SLC12A2: variants seen among roughly 807,000 people sequenced by gnomAD.
SLC12A2 encodes solute carrier family 12 member 2.
Under a neutral mutation model 136.3 loss-of-function variants are expected in SLC12A2, and 67 were observed. The observed-to-expected ratio is 0.49, with a 90% CI of 0.40 to 0.60. The LOEUF (loss-of-function observed/expected upper bound fraction) is 0.60, where lower values mean the gene tolerates loss of function less well. SLC12A2 is among the 20% of genes least tolerant of loss of function. SLC12A2 has a pLI of 0.00. For synonymous variants in SLC12A2, 619 were observed against 562.9 expected, an observed-to-expected ratio of 1.10 and a Z score of -1.41; for missense variants, 1,322 against 1,534.7, an observed-to-expected ratio of 0.86 and a Z score of 2.32.
At chr5:128,091,497 A>G (rs1439780294) in intron 1 of SLC12A2, among the ~76,000 whole-genome samples, 1 of 152,208 alleles carries the variant, frequency 6.6e-6, no homozygotes, top group Non-Finnish European at 1.5e-5. Flanking sequence ...GTAGGGAACT[A>G]GTGGGTTGAT....
chr5:128,123,409 A>C (rs1305780855), intron 4 of SLC12A2, among the ~76,000 whole-genome samples: 1 of 152,176 alleles, frequency 6.6e-6, no homozygotes, highest in Non-Finnish European at 1.5e-5. Flanking sequence ...ATACACCAAG[A>C]AAACTTTATT....
At chr5:128,186,333 T>G (rs1763867596) in intron 26 of SLC12A2, among the ~76,000 whole-genome samples, 163 bp from the exon 27 acceptor site, 1 of 152,234 alleles carries the variant, frequency 6.6e-6, no homozygotes, top group Non-Finnish European at 1.5e-5. Flanking sequence ...CAACTGTGGT[T>G]GTTATTCTAT....
intron 1 of SLC12A2, chr5:128,110,392 A>C (rs1581069255): frequency 9.8e-7 from 1 of 1,018,796 alleles, no homozygotes; most frequent in African/African-American, 1.6e-5. Flanking sequence ...GAAAGCAAAA[A>C]CTCCACAGCT....
chr5:128,131,698 C>T (rs1335908283), intron 5 of SLC12A2, among the ~76,000 whole-genome samples: 2 of 150,410 alleles, frequency 1.3e-5, no homozygotes, highest in African/African-American at 2.4e-5. Context: ...AGCAAGACTC[C>T]GTCTCGGAAA....
At chr5:128,181,477 A>G (rs111602642) in intron 23 of SLC12A2, among the ~76,000 whole-genome samples, 2 of 152,212 alleles carry the variant, frequency 1.3e-5, no homozygotes, top group South Asian at 4.1e-4. Flanking sequence ...TGTAACATGT[A>G]TATTGTACAG....
At chr5:128,097,688 C>G (rs1357480819) in intron 1 of SLC12A2, among the ~76,000 whole-genome samples, 2 of 152,068 alleles carry the variant, frequency 1.3e-5, no homozygotes, top group Non-Finnish European at 2.9e-5. Context: ...AGTACTTTCT[C>G]TTTCCTCAGT....
intron 22 of SLC12A2, among the ~76,000 whole-genome samples, chr5:128,179,212 A>G (rs551535100): frequency 6.6e-6 from 1 of 152,330 alleles, no homozygotes; most frequent in East Asian, 1.9e-4. Context: ...CTCTGAGACT[A>G]TGTAAATACA....
At chr5:128,140,305 G>C (rs902700402) in intron 9 of SLC12A2, among the ~76,000 whole-genome samples, 2 of 151,966 alleles carry the variant, frequency 1.3e-5, no homozygotes, top group Non-Finnish European at 2.9e-5. Flanking sequence ...AGCCTGAATT[G>C]GCATTTACAG....
rs1763977892 is a variant in SLC12A2 at position 128,189,528 on chromosome 5, TCTG to T, written c.*2900_*2902del. On this transcript the variant is annotated 3_prime_UTR_variant, in exon 27 of 27. Coordinates refer to ENST00000262461, the MANE Select transcript of SLC12A2 (RefSeq NM_001046.3). ...AGATTTAAGCTCTGGTGGATGATTA[TCTG>T]CTAAGTAAGTCTGAAAATGTAATAT... is the stretch of plus-strand genomic sequence containing the variant. 6.6e-6 allele frequency: 1 copy of T among 152,650 alleles called. No individual in the cohort carries two copies. Among genetic ancestry groups the T allele is most frequent in the African/African-American group, 2.4e-5 (1 of 41,464 alleles). The allele number at this position is 152,650 out of a possible 1,614,324, so 9.5% of individuals were successfully genotyped here. A position where few individuals can be genotyped will look rare whatever the true frequency, so the allele number is the denominator to read the frequency against.
intron 4 of SLC12A2, among the ~76,000 whole-genome samples, chr5:128,126,126 T>C (rs549362985): frequency 6.6e-6 from 1 of 152,348 alleles, no homozygotes; most frequent in Admixed American, 6.5e-5. Flanking sequence ...TTTCTAGATC[T>C]TTAGCATTTT....
intron 15 of SLC12A2, among the ~76,000 whole-genome samples, chr5:128,154,333 T>C (rs1438047110): frequency 6.6e-6 from 1 of 151,622 alleles, no homozygotes; most frequent in Non-Finnish European, 1.5e-5. Flanking sequence ...GGAGGACTGC[T>C]AGAGCCAAGG....
At chr5:128,153,093 A>G (rs1327655947) in intron 15 of SLC12A2, among the ~76,000 whole-genome samples, 2 of 152,210 alleles carry the variant, frequency 1.3e-5, no homozygotes, top group Admixed American at 1.3e-4. Context: ...TATGAGATTC[A>G]TAAAGATTTT....
At chr5:128,177,200 A>T in intron 21 of SLC12A2, 48 bp downstream of exon 21, 4 of 1,297,958 alleles carry the variant, frequency 3.1e-6, no homozygotes, top group East Asian at 2.5e-5. Context: ...CATACTGTAA[A>T]CTCTTTAACT....
intron 15 of SLC12A2, among the ~76,000 whole-genome samples, chr5:128,153,475 A>T: frequency 6.6e-6 from 1 of 152,288 alleles, no homozygotes; most frequent in South Asian, 2.1e-4. Context: ...GAATGGCTCG[A>T]ACCCAGGAGG....
chr5:128,120,016 AAAAC>A (rs1276013090), intron 4 of SLC12A2, among the ~76,000 whole-genome samples: 26 of 152,030 alleles, frequency 1.7e-4, no homozygotes, highest in South Asian at 1.0e-3. Flanking sequence ...TTACAAGAAA[AAAAC>A]AAACAACCCC....
intron 16 of SLC12A2, among the ~76,000 whole-genome samples, chr5:128,160,402 A>G (rs1225151537): frequency 6.6e-6 from 1 of 152,144 alleles, no homozygotes; most frequent in Non-Finnish European, 1.5e-5. Context: ...TATATGTTTT[A>G]TAAAGTCCCA....
intron 1 of SLC12A2, among the ~76,000 whole-genome samples, chr5:128,091,505 G>A (rs1760316125): frequency 2.0e-5 from 3 of 152,156 alleles, no homozygotes; most frequent in Admixed American, 1.3e-4. Context: ...CTAGTGGGTT[G>A]ATTCCACAAA....
intron 4 of SLC12A2, among the ~76,000 whole-genome samples, chr5:128,117,669 G>T (rs898341716): frequency 1.3e-5 from 2 of 152,096 alleles, no homozygotes; most frequent in African/African-American, 4.8e-5. Flanking sequence ...CTTAGGCAAA[G>T]AATTCATGAC....
intron 4 of SLC12A2, among the ~76,000 whole-genome samples, chr5:128,128,446 T>G (rs1246673114): frequency 1.3e-5 from 2 of 152,114 alleles, no homozygotes; most frequent in Non-Finnish European, 2.9e-5. Flanking sequence ...TTTTTCCATA[T>G]TGATGTCTGT....
Sources: gnomAD v4.1 joint callset for allele counts (sites outside exome capture counted in the v4.1 genomes callset) on GRCh38, gnomAD v4.1.1 for gene constraint, MANE v1.5 for transcripts, NCBI Gene and HGNC (gene_info 2026-07-23, HGNC 2026-07-21) for gene names.